Variants in DTNB observed in about 807,000 individuals in gnomAD.
The protein encoded by DTNB is DTN-B.
Under a neutral mutation model 90.7 loss-of-function variants are expected in DTNB, and 63 were observed. That is an observed-to-expected ratio of 0.69 (90% CI 0.57 to 0.86). DTNB has a LOEUF of 0.86. Ranked by LOEUF, DTNB falls within the 40% of genes least tolerant of loss-of-function variation. DTNB has a pLI of 0.00. For missense variants in DTNB, 744 were observed against 807.1 expected, an observed-to-expected ratio of 0.92 and a Z score of 0.95; for synonymous variants, 277 against 286.7, an observed-to-expected ratio of 0.97 and a Z score of 0.34.
At chr2:25,577,493 TCTAA>T (rs930018195) in intron 7 of DTNB, among the ~76,000 whole-genome samples, 6 of 151,288 alleles carry the variant, frequency 4.0e-5, no homozygotes, top group East Asian at 1.9e-4. Context: ...TGTCTGCTAG[TCTAA>T]CTAGCCATTT....
intron 8 of DTNB, among the ~76,000 whole-genome samples, chr2:25,551,599 C>T (rs1425358370): frequency 6.6e-6 from 1 of 152,176 alleles, no homozygotes; most frequent in African/African-American, 2.4e-5. Context: ...TAACACATAC[C>T]ACCTTCACTT....
chr2:25,433,092 C>T (rs1048823001), intron 13 of DTNB, 93 bp from the exon 14 acceptor site: 1 of 1,231,062 alleles, frequency 8.1e-7, no homozygotes, highest in Non-Finnish European at 1.1e-6. Flanking sequence ...CTAGCAGTGC[C>T]TCCTCTACCA....
chr2:25,484,646 G>A (rs942506902), intron 9 of DTNB, among the ~76,000 whole-genome samples: 1 of 152,132 alleles, frequency 6.6e-6, no homozygotes, highest in Non-Finnish European at 1.5e-5. Context: ...AAAGTAATTT[G>A]CAGGGAACTG....
At chr2:25,552,876 C>T (rs1375318580) in intron 8 of DTNB, among the ~76,000 whole-genome samples, 4 of 90,832 alleles carry the variant, frequency 4.4e-5, no homozygotes, top group African/African-American at 8.6e-5. Flanking sequence ...TTTTTTGAGA[C>T]GGAGTCTCGC....
intron 9 of DTNB, among the ~76,000 whole-genome samples, chr2:25,530,707 T>G (rs185568561): frequency 1.1e-4 from 17 of 152,308 alleles, no homozygotes; most frequent in Non-Finnish European, 1.6e-4. Context: ...GCTCATTTAG[T>G]CAAACTACCT....
In DTNB at chr2:25,420,071, G is replaced by C. The variant is rs142178352; in HGVS notation, c.1555-536C>G. On this transcript the variant is annotated intron_variant, in intron 15 of 20. Transcript: ENST00000406818. ...CTCACCCTATCCCCACCAAACCGAA[G>C]CTCTAGGGGTGGGCCACAGCAATGC... Among the ~76,000 whole-genome samples the C allele has an allele frequency of 6.6e-5, 10 of 152,190 alleles. No homozygotes were observed. In the East Asian group the frequency reaches 1.2e-3, roughly 18 times the overall value.
chr2:25,565,627 T>C (rs985295643), intron 8 of DTNB, among the ~76,000 whole-genome samples: 1 of 151,988 alleles, frequency 6.6e-6, no homozygotes, highest in Non-Finnish European at 1.5e-5. Flanking sequence ...TTTTTTATCG[T>C]GACAGAATTT....
intron 16 of DTNB, among the ~76,000 whole-genome samples, chr2:25,397,840 A>G (rs2042782574): frequency 7.1e-6 from 1 of 141,668 alleles, no homozygotes; most frequent in Non-Finnish European, 1.5e-5. Context: ...AAATCCTGCC[A>G]CTGCCCTCCA....
At chr2:25,610,014 G>A (rs2068162657) in intron 4 of DTNB, among the ~76,000 whole-genome samples, 1 of 152,192 alleles carries the variant, frequency 6.6e-6, no homozygotes, top group Admixed American at 6.5e-5. Context: ...AAAATAATGA[G>A]ATAAATTTTG....
chr2:25,486,991 C>T (rs1369941778), intron 9 of DTNB, among the ~76,000 whole-genome samples: 2 of 152,022 alleles, frequency 1.3e-5, no homozygotes, highest in Non-Finnish European at 2.9e-5. Context: ...ATAAGATATA[C>T]CATTTTTTCG....
Position 25,388,224 on chromosome 2 carries a change from G to T in DTNB, c.1713C>A (p.Asp571Glu). The T allele has an allele frequency of 1.3e-6, 2 of 1,586,336 alleles. No homozygotes were observed. The highest frequency in any genetic ancestry group is 1.7e-6 in the Non-Finnish European group (2 of 1,166,744). Residue 571 changes from aspartate (D) to glutamate (E), a missense_variant, in exon 17 of 21, where the codon GAC becomes GAA. By Grantham distance (45) the Asp-to-Glu change is conservative (BLOSUM62 2). Transcript: ENST00000406818. The stretch of plus-strand genomic sequence containing the variant: ...CACCTTGTGCGAAGGCCTCCTGCAC[G>T]TCTCCCCCGACTCCGCTCAGCGAGT... ...PQDSLSGVGG[D>E]VQEAFAQGTR...
At chr2:25,471,646 C>T (rs554668644) in intron 10 of DTNB, among the ~76,000 whole-genome samples, 151 of 152,282 alleles carry the variant, frequency 9.9e-4, no homozygotes, top group Non-Finnish European at 1.8e-3. Flanking sequence ...TCCAGATCCA[C>T]CTGCCTCGAC....
chr2:25,471,405 C>G (rs1391576172), intron 10 of DTNB, among the ~76,000 whole-genome samples: 2 of 148,488 alleles, frequency 1.3e-5, no homozygotes, highest in Non-Finnish European at 3.0e-5. Context: ...TTTTTTTTTC[C>G]CGAGACGGAG....
chr2:25,518,192 T>G (rs498963), intron 9 of DTNB, among the ~76,000 whole-genome samples: 44,462 of 151,698 alleles, frequency 0.29, 7,415 homozygotes, highest in East Asian at 0.52. Flanking sequence ...AGATAGTTAA[T>G]TTTATATTAT....
chr2:25,543,146 C>T (rs2081641063), intron 8 of DTNB, among the ~76,000 whole-genome samples: 2 of 151,982 alleles, frequency 1.3e-5, no homozygotes, highest in African/African-American at 2.4e-5. Flanking sequence ...AAGATTTTTG[C>T]CTTAAAATCC....
intron 8 of DTNB, among the ~76,000 whole-genome samples, chr2:25,546,692 G>A (rs2082495134): frequency 1.3e-5 from 2 of 152,186 alleles, no homozygotes; most frequent in African/African-American, 4.8e-5. Context: ...TTTTAATCAA[G>A]CTAAATTCTA....
At chr2:25,427,149 G>A (rs2051968753) in intron 15 of DTNB, among the ~76,000 whole-genome samples, 1 of 150,234 alleles carries the variant, frequency 6.7e-6, no homozygotes, top group Admixed American at 6.7e-5. Context: ...CTGCACTCCA[G>A]CCTGGGTGAC....
chr2:25,405,790 C>A (rs532994783), intron 16 of DTNB, among the ~76,000 whole-genome samples: 1 of 152,028 alleles, frequency 6.6e-6, no homozygotes, highest in Admixed American at 6.5e-5. Context: ...CAAGAGGAGC[C>A]GGTGAAGGTT....
At chr2:25,575,242 AC>A (rs200667842) in intron 8 of DTNB, among the ~76,000 whole-genome samples, 25 of 149,494 alleles carry the variant, frequency 1.7e-4, no homozygotes, top group Admixed American at 2.0e-4. Context: ...ACACACACAC[AC>A]AAAAAAAAAA....
Sources: gnomAD v4.1 joint callset for allele counts (sites outside exome capture counted in the v4.1 genomes callset) on GRCh38, gnomAD v4.1.1 for gene constraint, MANE v1.5 for transcripts, NCBI Gene and HGNC (gene_info 2026-07-23, HGNC 2026-07-21) for gene names.